ELP2: variants seen among roughly 807,000 people sequenced by gnomAD.
ELP2 encodes elongator acetyltransferase complex subunit 2, also known as elongator complex protein 2.
A neutral mutation model predicts 119.2 loss-of-function variants in ELP2; 90 were observed. The observed-to-expected ratio is 0.75, with a 90% CI of 0.64 to 0.90. ELP2 has a LOEUF of 0.90. Ranked by LOEUF, ELP2 falls within the 40% of genes least tolerant of loss-of-function variation. ELP2 has a pLI of 0.00. For missense variants in ELP2, 921 were observed against 967.8 expected (o/e 0.95, Z 0.64); for synonymous variants, 339 against 331.0 (o/e 1.02, Z -0.26).
chr18:36,134,005 G>T (rs1318119247), intron 2 of ELP2, among the ~76,000 whole-genome samples: 1 of 139,374 alleles, frequency 7.2e-6, no homozygotes, highest in Non-Finnish European at 1.5e-5. Context: ...CGCCTCCCGG[G>T]TTCACACCAT....
chr18:36,133,941 G>A (rs528792077), intron 2 of ELP2, among the ~76,000 whole-genome samples: 59 of 104,370 alleles, frequency 5.7e-4, no homozygotes, highest in African/African-American at 9.9e-4. Context: ...ATGGAGTCTC[G>A]CTTTGTCACC....
rs2091271094 is a variant in ELP2, at chr18:36,178,495, T to G, written c.*3854T>G. The stretch of plus-strand genomic sequence containing the variant: ...TGTATGAACCTTGTTTGCCTCTTGA[T>G]CTGAACTAGCCAATCAATCTTGTAA... On this transcript the variant is annotated 3_prime_UTR_variant, in exon 22 of 22. Transcript: ENST00000358232. The G allele has an allele frequency of 6.6e-6, 1 of 152,196 alleles. No individual in the cohort carries two copies. The highest frequency in any genetic ancestry group is 2.1e-4 in the South Asian group (1 of 4,832). 9.4% of individuals were successfully genotyped at this position (152,196 alleles called of 1,614,324 possible). A position where few individuals can be genotyped will look rare whatever the true frequency, so the allele number is the denominator to read the frequency against.
rs1300887455 is a variant in ELP2 at position 36,180,455 on chromosome 18, T to C, written c.*5814T>C. 1.3e-5 allele frequency: 2 copies of C among 152,184 alleles called. No homozygotes were observed. Among genetic ancestry groups the C allele is most frequent in the African/African-American group, 2.4e-5 (1 of 41,432 alleles). The allele number at this position is 152,184 out of a possible 1,614,324, so 9.4% of individuals were successfully genotyped here. A position where few individuals can be genotyped will look rare whatever the true frequency, so the allele number is the denominator to read the frequency against. On this transcript the variant is annotated 3_prime_UTR_variant, in exon 22 of 22. Coordinates refer to ENST00000358232, the MANE Select transcript of ELP2 (RefSeq NM_018255.4). ...TTGTTCTGAGAATTAAATGAGCCAA[T>C]ATATGAAAAACACTAGTTTGGTCCC...
chr18:36,161,891 A>G (rs1432715246), intron 17 of ELP2, among the ~76,000 whole-genome samples: 2 of 151,816 alleles, frequency 1.3e-5, no homozygotes, highest in African/African-American at 4.8e-5. Flanking sequence ...AGCCTTTGGG[A>G]AAAATGGAAT....
chr18:36,158,384 A>G (rs2090632588), intron 13 of ELP2: 3 of 155,146 alleles, frequency 1.9e-5, no homozygotes, highest in African/African-American at 7.2e-5. Flanking sequence ...TGAAAATACT[A>G]TGACTAATGC....
chr18:36,141,490 A>G (rs972183859), intron 6 of ELP2: 22 of 408,338 alleles, frequency 5.4e-5, no homozygotes, highest in Non-Finnish European at 9.7e-5. Context: ...GATTTAAACG[A>G]GATATAACAT....
chr18:36,145,914 T>G, intron 9 of ELP2, 34 bp from the exon 10 acceptor site: 1 of 1,533,624 alleles, frequency 6.5e-7, no homozygotes, highest in Non-Finnish European at 9.0e-7. Context: ...TGATGATTGT[T>G]GATCACCTAA....
chr18:36,165,070 G>T, intron 18 of ELP2: 2 of 206,652 alleles, frequency 9.7e-6, no homozygotes, highest in Non-Finnish European at 2.0e-5. Context: ...ATGGTTGAGT[G>T]GTTTCTTCTC....
At position 36,133,179 on chromosome 18, in the gene ELP2, T is replaced by C. The variant is rs147222042; in HGVS notation, c.139-59T>C. Reference sequence around the variant, plus strand: ...AAACACTGAAATCTGTTTTTACTTATTTATTAATTTTTCTGTAGGATAAAT... The same window carrying C: ...AAACACTGAAATCTGTTTTTACTTACTTATTAATTTTTCTGTAGGATAAAT... On this transcript the variant is annotated intron_variant, in intron 1 of 21. Transcript: ENST00000358232. 823 of 1,153,548 alleles carry C rather than the reference T, an allele frequency of 7.1e-4. 4 individuals carry two copies. The African/African-American group carries it at 0.011, about 15-fold the overall frequency. The allele number at this position is 1,153,548 out of a possible 1,614,324, so 71.5% of individuals were successfully genotyped here.
Position 36,179,960 on chromosome 18 carries a change from C to T in ELP2, c.*5319C>T, listed in dbSNP as rs2091300268. On this transcript the variant is annotated 3_prime_UTR_variant, in exon 22 of 22. Coordinates refer to ENST00000358232, the MANE Select transcript of ELP2 (RefSeq NM_018255.4). ...AGATGAGATTAGTGTATGAGTCTGG[C>T]TTCCATTCAACTGTGTGTGAAAAAA... The T allele has an allele frequency of 6.6e-6, 1 of 152,144 alleles. No homozygotes were observed. The highest frequency in any genetic ancestry group is 1.5e-5 in the Non-Finnish European group (1 of 68,036). The allele number at this position is 152,144 out of a possible 1,614,324, so 9.4% of individuals were successfully genotyped here.
chr18:36,167,115 C>T lies in ELP2; in HGVS notation c.1969C>T (p.Leu657Phe). Residue 657 changes from leucine to phenylalanine, a missense_variant, in exon 19 of 22, where the codon CTT (leucine) becomes TTT (phenylalanine). By Grantham distance (22) the Leu-to-Phe change is conservative (BLOSUM62 0). Coordinates refer to ENST00000358232, the MANE Select transcript of ELP2 (RefSeq NM_018255.4). The stretch of plus-strand genomic sequence containing the variant: ...ATTTCTTTCAGAGCCAGTTTTTAGT[C>T]TTTTTGCCTTCACCAACAAAATTAC... The part of the protein sequence containing the change: ...ISPEFEPVFS[L>F]FAFTNKITSV... 1 of 1,598,346 alleles carries T rather than the reference C, an allele frequency of 6.3e-7. No homozygotes were observed. The highest frequency in any genetic ancestry group is 1.3e-5 in the African/African-American group (1 of 74,654).
rs1295084115 is a variant in ELP2 at position 36,130,016 on chromosome 18, C to G, written c.83C>G (p.Pro28Arg). 1 of 1,614,108 alleles carries G rather than the reference C, an allele frequency of 6.2e-7. No homozygotes were observed. The highest frequency in any genetic ancestry group is 1.1e-5 in the South Asian group (1 of 91,088). ...VRGVLNWSSG[P>R]RGLLAFGTSC... ...GGAGTCCTGAACTGGAGCTCTGGGCCCAGAGGACTTCTGGCCTTTGGCACG... is the reference window on the plus strand; with the variant it reads ...GGAGTCCTGAACTGGAGCTCTGGGCGCAGAGGACTTCTGGCCTTTGGCACG... The change falls in exon 1 of 22, where the codon CCC becomes CGC. Residue 28 changes from proline (P) to arginine (R), a missense_variant. By Grantham distance (103) the Pro-to-Arg change is moderately radical. Coordinates refer to ENST00000358232, the MANE Select transcript of ELP2 (RefSeq NM_018255.4).
chr18:36,139,366 C>T, intron 5 of ELP2: 1 of 1,477,252 alleles, frequency 6.8e-7, no homozygotes, highest in Non-Finnish European at 9.1e-7. Context: ...CTTTGAGTAT[C>T]TTCTACAAAG....
intron 11 of ELP2, among the ~76,000 whole-genome samples, chr18:36,149,427 T>C (rs1013250464): frequency 3.3e-5 from 5 of 151,596 alleles, no homozygotes; most frequent in African/African-American, 1.2e-4. Flanking sequence ...ATTCCCGTCA[T>C]GCCTTAGGAA....
At chr18:36,132,142 T>C (rs2089656835) in intron 1 of ELP2, among the ~76,000 whole-genome samples, 1 of 152,120 alleles carries the variant, frequency 6.6e-6, no homozygotes, top group Non-Finnish European at 1.5e-5. Flanking sequence ...ACTCCTGGCC[T>C]CCTGAAGTGC....
At chr18:36,130,524 T>C (rs1039785867) in intron 1 of ELP2, among the ~76,000 whole-genome samples, 1 of 152,212 alleles carries the variant, frequency 6.6e-6, no homozygotes, top group Non-Finnish European at 1.5e-5. Context: ...AAATGTTACC[T>C]GTGTTTTAGC....
intron 4 of ELP2, 159 bp downstream of exon 4, chr18:36,138,585 C>G (rs1288727503): frequency 1.4e-5 from 13 of 960,024 alleles, no homozygotes; most frequent in African/African-American, 1.7e-5. Flanking sequence ...TTAAAATTCT[C>G]TATACCAAGA....
At chr18:36,142,484 A>T in intron 7 of ELP2, 137 bp downstream of exon 7, 1 of 745,158 alleles carries the variant, frequency 1.3e-6, no homozygotes, top group Non-Finnish European at 2.3e-6. Context: ...AGAAAGGAGG[A>T]TGCTTATCTC....
At chr18:36,153,053 C>T (rs991155783) in intron 11 of ELP2, among the ~76,000 whole-genome samples, 3 of 152,200 alleles carry the variant, frequency 2.0e-5, no homozygotes, top group African/African-American at 4.8e-5. Context: ...GGCCTGAGCT[C>T]GCACCCACAT....
Sources: gnomAD v4.1 joint callset for allele counts (sites outside exome capture counted in the v4.1 genomes callset) on GRCh38, gnomAD v4.1.1 for gene constraint, MANE v1.5 for transcripts, NCBI Gene and HGNC (gene_info 2026-07-23, HGNC 2026-07-21) for gene names.